Variants in DNAH11 observed in about 807,000 individuals in gnomAD.
The protein encoded by DNAH11 is dynein axonemal heavy chain 11.
In DNAH11, 442 loss-of-function variants were observed where a neutral mutation model predicts 526.0. The observed-to-expected ratio is 0.84, with a 90% CI of 0.78 to 0.91. The LOEUF (loss-of-function observed/expected upper bound fraction) is 0.91, where lower values mean the gene tolerates loss of function less well. Ranked by LOEUF, DNAH11 falls within the 40% of genes least tolerant of loss-of-function variation. The pLI, the probability that DNAH11 is intolerant of heterozygous loss-of-function variation, is 0.00. For synonymous variants in DNAH11, 2,461 were observed against 1,935.9 expected (o/e 1.27, Z -7.12); for missense variants, 6,989 against 5,448.7 (o/e 1.28, Z -8.90).
intron 57 of DNAH11, among the ~76,000 whole-genome samples, chr7:21,779,400 GGTCAGGAA>G (rs1048475402): frequency 6.6e-6 from 1 of 152,134 alleles, no homozygotes; most frequent in Non-Finnish European, 1.5e-5. Context: ...ATACAGTAAA[GGTCAGGAA>G]GTCACCTCTG....
At chr7:21,563,235 G>T (rs1207427937) in intron 5 of DNAH11, among the ~76,000 whole-genome samples, 1 of 151,770 alleles carries the variant, frequency 6.6e-6, no homozygotes, top group Non-Finnish European at 1.5e-5. Context: ...TGGAGACAGG[G>T]TCTTGCTCTG....
intron 45 of DNAH11, among the ~76,000 whole-genome samples, chr7:21,728,167 G>T (rs2906669): frequency 1.3e-5 from 2 of 149,366 alleles, no homozygotes; most frequent in Non-Finnish European, 3.0e-5. Context: ...ACAATGTGCC[G>T]CCTTGACCCC....
chr7:21,880,311 T>C (rs889260972), intron 74 of DNAH11, among the ~76,000 whole-genome samples: 6 of 152,102 alleles, frequency 3.9e-5, no homozygotes, highest in Non-Finnish European at 5.9e-5. Flanking sequence ...TGTGGTTAAC[T>C]AGCATTCTCC....
At chr7:21,683,413 G>A (rs1583591031) in intron 31 of DNAH11, among the ~76,000 whole-genome samples, 1 of 152,310 alleles carries the variant, frequency 6.6e-6, no homozygotes, top group South Asian at 2.1e-4. Flanking sequence ...ATGCCTCTGC[G>A]ATGCAGAAAT....
intron 55 of DNAH11, among the ~76,000 whole-genome samples, chr7:21,768,387 A>G (rs926592760): frequency 5.3e-5 from 8 of 152,228 alleles, no homozygotes. Context: ...TTTTCAAGGT[A>G]AAATGAATCA....
chr7:21,714,270 G>GT (rs1335540174), intron 42 of DNAH11, among the ~76,000 whole-genome samples: 3 of 152,190 alleles, frequency 2.0e-5, no homozygotes, highest in East Asian at 1.9e-4. Flanking sequence ...TTACTTTTGG[G>GT]TTTTTTGTTT....
chr7:21,690,537 A>G (rs1322284380), intron 34 of DNAH11, among the ~76,000 whole-genome samples: 1 of 152,244 alleles, frequency 6.6e-6, no homozygotes, highest in African/African-American at 2.4e-5. Context: ...TGCTAAAATA[A>G]AAAAGAATAC....
rs886062173 is a variant in DNAH11, at chr7:21,591,568, C to G, written c.2658C>G (p.Asn886Lys). ...AAGGAGATGGCTGCAAGATCCACAA[C>G]TTGGTCGAGGTAATGGCTTTTAACC... ...LIQGDGCKIH[N>K]LVEENRKLFK... Residue 886 changes from asparagine (N) to lysine (K), a missense_variant, in exon 14 of 82, where the codon AAC becomes AAG. Physicochemically the swap from Asn to Lys is moderately conservative, Grantham distance 94. Transcript: ENST00000409508. The G allele has an allele frequency of 6.4e-7, 1 of 1,563,600 alleles. No individual in the cohort carries two copies. The highest frequency in any genetic ancestry group is 8.7e-7 in the Non-Finnish European group (1 of 1,151,396).
rs769695221 is a variant in DNAH11, at chr7:21,773,955, C to T, written c.9292C>T (p.Arg3098Cys). The change falls in exon 56 of 82, where the codon CGC (arginine) becomes TGC (cysteine). Residue 3098 changes from arginine (R) to cysteine (C), a missense_variant. By Grantham distance (180) the Arg-to-Cys change is radical. Coordinates refer to ENST00000409508, the MANE Select transcript of DNAH11 (RefSeq NM_001277115.2). ...AAATGAGGTATCCGAGAAAAAAGAA[C>T]GCCTGGTGAACGGCATCCAAAAGCT... is the stretch of plus-strand genomic sequence containing the variant. ...KQNEVSEKKE[R>C]LVNGIQKLKT... The T allele has an allele frequency of 3.5e-5, 56 of 1,584,036 alleles. No homozygotes were observed. Among genetic ancestry groups the T allele is most frequent in the Non-Finnish European group, 4.3e-5 (50 of 1,165,192 alleles).
rs774756029 is a variant in DNAH11, at chr7:21,670,412, A to G, written c.5329-11134A>G. Among the ~76,000 whole-genome samples the G allele has an allele frequency of 3.9e-5, 6 of 152,094 alleles. No homozygotes were observed. In the South Asian group the frequency reaches 6.2e-4, roughly 16 times the overall value. On this transcript the variant is annotated intron_variant, in intron 30 of 81. Transcript: ENST00000409508. ...GGGCTTTGCTAAATTTACTTAGTACATTTAGTAGTTTTTAAATAAATATAT... is the reference window on the plus strand; with the variant it reads ...GGGCTTTGCTAAATTTACTTAGTACGTTTAGTAGTTTTTAAATAAATATAT...
At chr7:21,557,452 C>T (rs1422669759) in intron 2 of DNAH11, among the ~76,000 whole-genome samples, 1 of 152,146 alleles carries the variant, frequency 6.6e-6, no homozygotes, top group African/African-American at 2.4e-5. Flanking sequence ...TATCTGAAGG[C>T]TGCTTCATGG....
At chr7:21,642,003 A>G (rs1787152103) in intron 28 of DNAH11, among the ~76,000 whole-genome samples, 1 of 152,214 alleles carries the variant, frequency 6.6e-6, no homozygotes, top group Admixed American at 6.5e-5. Flanking sequence ...ACGCTAACAA[A>G]GGGAGGTGGG....
At chr7:21,688,002 C>T (rs950720742) in intron 34 of DNAH11, among the ~76,000 whole-genome samples, 5 of 152,158 alleles carry the variant, frequency 3.3e-5, no homozygotes, top group African/African-American at 1.2e-4. Context: ...GTCAAGGCTG[C>T]AGTGAGATGT....
chr7:21,733,003 G>A (rs1231470461), intron 45 of DNAH11, among the ~76,000 whole-genome samples: 1 of 152,172 alleles, frequency 6.6e-6, no homozygotes, highest in Admixed American at 6.5e-5. Flanking sequence ...CTCACATCCT[G>A]CAGGAGCCAG....
intron 33 of DNAH11, 51 bp downstream of exon 33, chr7:21,687,306 C>G (rs1783418856): frequency 2.6e-6 from 4 of 1,555,094 alleles, no homozygotes; most frequent in African/African-American, 1.4e-5. Flanking sequence ...AACATTATTC[C>G]TGATTGGGAA....
Position 21,591,531 on chromosome 7 carries a change from A to T in DNAH11, c.2621A>T (p.Tyr874Phe). 1.3e-6 allele frequency: 2 copies of T among 1,596,846 alleles called. No homozygotes were observed. The change falls in exon 14 of 82, where the codon TAC becomes TTC. Residue 874 changes from tyrosine (Y) to phenylalanine (F), a missense_variant. Coordinates refer to ENST00000409508, the MANE Select transcript of DNAH11 (RefSeq NM_001277115.2). ...EDKGDLFTKK[Y>F]KLIQGDGCKI... is the part of the protein sequence containing the mutation. ...AAGGGTGATTTGTTTACAAAAAAAT[A>T]CAAGTTAATCCAAGGAGATGGCTGC...
chr7:21,869,897 G>A (rs1480820673), intron 73 of DNAH11, among the ~76,000 whole-genome samples: 2 of 152,160 alleles, frequency 1.3e-5, no homozygotes, highest in Non-Finnish European at 2.9e-5. Context: ...AAGAACCAGT[G>A]GAGCACAGGC....
chr7:21,651,036 C>G (rs1352902072), intron 28 of DNAH11, among the ~76,000 whole-genome samples: 1 of 151,612 alleles, frequency 6.6e-6, no homozygotes, highest in Non-Finnish European at 1.5e-5. Flanking sequence ...ATCATGGACT[C>G]ACTTTATCTC....
Position 21,581,936 on chromosome 7 carries a change from C to G in DNAH11, c.1625C>G (p.Ser542Cys). 1 of 1,612,640 alleles carries G rather than the reference C, an allele frequency of 6.2e-7. No individual in the cohort carries two copies. Among genetic ancestry groups the G allele is most frequent in the Non-Finnish European group, 8.5e-7 (1 of 1,179,068 alleles). ...EFESDYVAFK[S>C]KTLEFDRRLG... is the part of the protein sequence containing the mutation. ...GAAAGTGATTATGTGGCATTTAAGTCCAAAACTCTGGAATTTGACAGAAGG... is the reference window on the plus strand; with the variant it reads ...GAAAGTGATTATGTGGCATTTAAGTGCAAAACTCTGGAATTTGACAGAAGG... Residue 542 changes from serine (S) to cysteine (C), a missense_variant, in exon 9 of 82, where the codon TCC becomes TGC. By Grantham distance (112) the Ser-to-Cys change is moderately radical. Transcript: ENST00000409508.
Sources: gnomAD v4.1 joint callset for allele counts (sites outside exome capture counted in the v4.1 genomes callset) on GRCh38, gnomAD v4.1.1 for gene constraint, MANE v1.5 for transcripts, NCBI Gene and HGNC (gene_info 2026-07-23, HGNC 2026-07-21) for gene names.